Variants in NRXN3 observed in about 807,000 individuals in gnomAD.
The protein encoded by NRXN3 is neurexin III.
A neutral mutation model predicts 137.6 loss-of-function variants in NRXN3; 32 were observed. The observed-to-expected ratio is 0.23, with a 90% CI of 0.18 to 0.31. The LOEUF (loss-of-function observed/expected upper bound fraction) is 0.31. Among genes scored for constraint, NRXN3 ranks in the 10% least tolerant of loss-of-function variants. The pLI is 1.00. For missense variants in NRXN3, 1,574 were observed against 2,062.5 expected (o/e 0.76, Z 4.59); for synonymous variants, 798 against 784.5 (o/e 1.02, Z -0.29).
intron 4 of NRXN3, among the ~76,000 whole-genome samples, chr14:78,491,609 T>G (rs1055344184): frequency 3.3e-5 from 5 of 152,178 alleles, no homozygotes; most frequent in African/African-American, 1.2e-4. Flanking sequence ...TATACAGGCA[T>G]GAAACGGAAT....
At position 78,772,284 on chromosome 14, in the gene NRXN3, C is replaced by T. The variant is rs537332227; in HGVS notation, c.2045-31336C>T. Reference sequence around the variant, plus strand: ...AAGTGAAGCAATTTAAGGAAAAAGACGAAATAATAATTCAGGTAGTATATA... The same window carrying T: ...AAGTGAAGCAATTTAAGGAAAAAGATGAAATAATAATTCAGGTAGTATATA... On this transcript the variant is annotated intron_variant, in intron 8 of 20. Coordinates refer to ENST00000335750, the MANE Select transcript of NRXN3 (RefSeq NM_001330195.2). 1.9e-4 allele frequency among the ~76,000 whole-genome samples: 29 copies of T among 152,104 alleles called. No individual in the cohort carries two copies. The East Asian group carries it at 2.1e-3, about 11-fold the overall frequency.
intron 15 of NRXN3, among the ~76,000 whole-genome samples, chr14:79,337,052 A>G (rs1423680180): frequency 6.6e-6 from 1 of 152,132 alleles, no homozygotes; most frequent in Admixed American, 6.6e-5. Context: ...GACCGACAAG[A>G]TGTTTTTCGT....
At chr14:79,370,607 C>T (rs1042617399) in intron 15 of NRXN3, among the ~76,000 whole-genome samples, 6 of 152,002 alleles carry the variant, frequency 3.9e-5, no homozygotes, top group Non-Finnish European at 7.4e-5. Flanking sequence ...CATGAGCCAC[C>T]GTGCCTGGCC....
chr14:78,847,026 G>C (rs745784900), intron 10 of NRXN3, among the ~76,000 whole-genome samples: 2 of 152,088 alleles, frequency 1.3e-5, no homozygotes, highest in African/African-American at 2.4e-5. Flanking sequence ...CAGTGCACAT[G>C]TGGTCCCTCA....
intron 15 of NRXN3, among the ~76,000 whole-genome samples, chr14:79,355,414 G>A (rs1209082307): frequency 6.6e-6 from 1 of 152,108 alleles, no homozygotes. Flanking sequence ...AAACTCAGGA[G>A]CAGGGATTAT....
chr14:78,966,390 G>A lies in NRXN3; in HGVS notation c.2761G>A (p.Val921Ile). 1 of 1,612,466 alleles carries A rather than the reference G, an allele frequency of 6.2e-7. No homozygotes were observed. Among genetic ancestry groups the A allele is most frequent in the Non-Finnish European group, 8.5e-7 (1 of 1,178,614 alleles). ...NSGDGNDFIA[V>I]ELVKGYIHYV... The stretch of plus-strand genomic sequence containing the variant: ...TGGTGATGGCAATGACTTCATTGCA[G>A]TCGAGCTTGTCAAGGGGTAAGTAGA... Residue 921 changes from valine (V) to isoleucine (I), a missense_variant, in exon 12 of 21, where the codon GTC becomes ATC. Coordinates refer to ENST00000335750, the MANE Select transcript of NRXN3 (RefSeq NM_001330195.2).
chr14:78,676,117 G>A (rs1225462875), intron 6 of NRXN3, among the ~76,000 whole-genome samples: 1 of 152,044 alleles, frequency 6.6e-6, no homozygotes, highest in Non-Finnish European at 1.5e-5. Context: ...ATTGACATTA[G>A]GCCAATTAAT....
intron 4 of NRXN3, among the ~76,000 whole-genome samples, chr14:78,505,680 T>A (rs1194131627): frequency 6.6e-6 from 1 of 152,028 alleles, no homozygotes; most frequent in Admixed American, 6.6e-5. Context: ...TCAAAAATAA[T>A]AACAAAAAAT....
At chr14:78,196,275 G>A (rs1371616801) in intron 1 of NRXN3, among the ~76,000 whole-genome samples, 1 of 152,248 alleles carries the variant, frequency 6.6e-6, no homozygotes, top group Non-Finnish European at 1.5e-5. Flanking sequence ...TGGCCATAGA[G>A]GGCAAATTCT....
intron 15 of NRXN3, among the ~76,000 whole-genome samples, chr14:79,058,081 G>A (rs2099668299): frequency 6.6e-6 from 1 of 152,076 alleles, no homozygotes; most frequent in South Asian, 2.1e-4. Flanking sequence ...GCTTATGCCT[G>A]ATGCCTCTAC....
At chr14:78,957,190 G>T in intron 10 of NRXN3, 52 bp from the exon 11 acceptor site, 1 of 1,600,694 alleles carries the variant, frequency 6.2e-7, no homozygotes, top group South Asian at 1.1e-5. Flanking sequence ...CCTGATGCAT[G>T]AGCACTACTT....
At position 78,548,049 on chromosome 14, in the gene NRXN3, T is replaced by C. The variant is rs1219261400; in HGVS notation, c.758-97071T>C. Among the ~76,000 whole-genome samples, 3 of 152,338 alleles carry C rather than the reference T, an allele frequency of 2.0e-5. No individual in the cohort carries two copies. In the East Asian group the frequency reaches 5.8e-4, roughly 29 times the overall value. ...GAGATCATTTTAGTTAAAATTAGAA[T>C]GCATTTAGGGATGTCCCTTGTTATC... On this transcript the variant is annotated intron_variant, in intron 4 of 20. Coordinates refer to ENST00000335750, the MANE Select transcript of NRXN3 (RefSeq NM_001330195.2).
chr14:79,748,445 G>A (rs1319659653), intron 19 of NRXN3, among the ~76,000 whole-genome samples: 1 of 152,070 alleles, frequency 6.6e-6, no homozygotes, highest in Non-Finnish European at 1.5e-5. Context: ...AGATAGAGAT[G>A]TTCCATGTGG....
At chr14:79,494,442 G>T (rs1277739172) in intron 16 of NRXN3, among the ~76,000 whole-genome samples, 3 of 152,138 alleles carry the variant, frequency 2.0e-5, no homozygotes, top group African/African-American at 7.2e-5. Context: ...AGCAAAAGAG[G>T]TGAAAAGTGA....
intron 10 of NRXN3, among the ~76,000 whole-genome samples, chr14:78,839,939 C>T (rs541563235): frequency 2.6e-5 from 4 of 152,266 alleles, no homozygotes; most frequent in South Asian, 4.1e-4. Flanking sequence ...TTTTATGCTT[C>T]CTTTATAGAA....
chr14:79,158,639 C>T (rs1424968526), intron 15 of NRXN3, among the ~76,000 whole-genome samples: 2 of 151,662 alleles, frequency 1.3e-5, no homozygotes, highest in African/African-American at 2.4e-5. Context: ...TAAAGAATTA[C>T]AAGGGGATTT....
At chr14:79,779,888 A>G (rs2099108545) in intron 19 of NRXN3, among the ~76,000 whole-genome samples, 1 of 152,136 alleles carries the variant, frequency 6.6e-6, no homozygotes, top group Non-Finnish European at 1.5e-5. Context: ...TTTTTGAGAC[A>G]GAGTCTTGCT....
intron 15 of NRXN3, among the ~76,000 whole-genome samples, chr14:79,277,955 TG>T (rs2080561729): frequency 6.6e-6 from 1 of 152,198 alleles, no homozygotes; most frequent in African/African-American, 2.4e-5. Flanking sequence ...ATGGACTTGA[TG>T]TATGACCTTG....
intron 15 of NRXN3, among the ~76,000 whole-genome samples, chr14:79,174,451 CT>C (rs1166584770): frequency 6.7e-6 from 1 of 148,728 alleles, no homozygotes; most frequent in Non-Finnish European, 1.5e-5. Context: ...ATTGTTACAG[CT>C]TTTTTTTAAA....
Sources: allele counts gnomAD v4.1 joint callset (sites outside exome capture counted in the v4.1 genomes callset), GRCh38; gene constraint gnomAD v4.1.1; transcripts MANE v1.5; gene names NCBI Gene and HGNC (gene_info 2026-07-23, HGNC 2026-07-21).